TIMP4: variants seen among roughly 807,000 people sequenced by gnomAD.
The protein encoded by TIMP4 is metalloproteinase inhibitor 4.
In TIMP4, 28 loss-of-function variants were observed where a neutral mutation model predicts 27.3. The ratio of observed to expected loss-of-function variants is 1.03; its 90% CI spans 0.76 to 1.41. The LOEUF (loss-of-function observed/expected upper bound fraction) is 1.41, where lower values mean the gene tolerates loss of function less well. Ranked by LOEUF, TIMP4 falls within the 40% of genes most tolerant of loss-of-function variation. The pLI is 0.00. For synonymous variants in TIMP4, 138 were observed against 115.5 expected (o/e 1.20, Z -1.25); for missense variants, 307 against 285.5 (o/e 1.08, Z -0.54).
At chr3:12,157,117 A>T (rs2279750) in intron 2 of TIMP4, among the ~76,000 whole-genome samples, 183 bp from the exon 3 acceptor site, 1 of 152,100 alleles carries the variant, frequency 6.6e-6, no homozygotes, top group African/African-American at 2.4e-5. Flanking sequence ...ACAACAAAAA[A>T]CACCTAAACC....
At chr3:12,155,465 T>C (rs1697427722) in intron 3 of TIMP4, among the ~76,000 whole-genome samples, 1 of 152,220 alleles carries the variant, frequency 6.6e-6, no homozygotes, top group South Asian at 2.1e-4. Context: ...GGGAAGGGCT[T>C]CCTGTCATTG....
intron 2 of TIMP4, 128 bp downstream of exon 2, chr3:12,157,257 C>A: frequency 1.2e-6 from 1 of 827,726 alleles, no homozygotes; most frequent in Non-Finnish European, 1.9e-6. Context: ...TCATCCAGTT[C>A]CACTTCAGTA....
At position 12,158,766 on chromosome 3, in the gene TIMP4, C is replaced by T. The variant is rs781659560; in HGVS notation, c.75G>A (p.Gly25=). 1.6e-5 allele frequency: 26 copies of T among 1,606,032 alleles called. No homozygotes were observed. In the African/African-American group the frequency reaches 2.1e-4, roughly 13 times the overall value. Reference sequence around the variant, plus strand: ...GGGCGCAGCTGCATGCCTCACCCAGCCCCGGGGGCCGCAGCAACGCCAGCA... The same window carrying T: ...GGGCGCAGCTGCATGCCTCACCCAGTCCCGGGGGCCGCAGCAACGCCAGCA... The part of the protein sequence containing the change: ...LRLLALLRPP[G]LGEACSCAPA... Residue 25 remains glycine, a synonymous_variant, in exon 1 of 5, where the codon GGG becomes GGA. Coordinates refer to ENST00000287814, the MANE Select transcript of TIMP4 (RefSeq NM_003256.4).
chr3:12,157,949 C>G (rs1047358770), intron 1 of TIMP4, among the ~76,000 whole-genome samples: 2 of 152,188 alleles, frequency 1.3e-5, no homozygotes, highest in Admixed American at 1.3e-4. Flanking sequence ...GCATCTCTTG[C>G]CATTTGAGCA....
Position 12,157,497 on chromosome 3 carries a change from A to G in TIMP4, c.140-15T>C. ...GGCCCGAATCACTGCATAGGAAGAGAAAAGAGGGAACCTTCAGCAGCTGGT... is the reference window on the plus strand; with the variant it reads ...GGCCCGAATCACTGCATAGGAAGAGGAAAGAGGGAACCTTCAGCAGCTGGT... On this transcript the variant is annotated splice_polypyrimidine_tract_variant and intron_variant, in intron 1 of 4. Coordinates refer to ENST00000287814, the MANE Select transcript of TIMP4 (RefSeq NM_003256.4). 6.2e-7 allele frequency: 1 copy of G among 1,613,600 alleles called. No homozygotes were observed. The highest frequency in any genetic ancestry group is 8.5e-7 in the Non-Finnish European group (1 of 1,179,608).
At chr3:12,156,982 T>C (rs1449208180) in intron 2 of TIMP4, 48 bp from the exon 3 acceptor site, 1 of 1,370,420 alleles carries the variant, frequency 7.3e-7, no homozygotes. Context: ...GTGAGTGTAC[T>C]GTATATATTA....
intron 4 of TIMP4, among the ~76,000 whole-genome samples, chr3:12,154,049 C>T (rs1053745386): frequency 6.6e-6 from 1 of 152,174 alleles, no homozygotes; most frequent in African/African-American, 2.4e-5. Context: ...TAAACATTTA[C>T]AGTAAATTTA....
At chr3:12,157,569 G>A in intron 1 of TIMP4, 87 bp from the exon 2 acceptor site, 1 of 1,323,716 alleles carries the variant, frequency 7.6e-7, no homozygotes, top group Non-Finnish European at 1.1e-6. Flanking sequence ...CCATGAAGAA[G>A]TCTATAGGGC....
At position 12,157,498 on chromosome 3, in the gene TIMP4, A is replaced by C; in HGVS notation, c.140-16T>G. ...GCCCGAATCACTGCATAGGAAGAGA[A>C]AAGAGGGAACCTTCAGCAGCTGGTG... On this transcript the variant is annotated splice_polypyrimidine_tract_variant and intron_variant, in intron 1 of 4. Coordinates refer to ENST00000287814, the MANE Select transcript of TIMP4 (RefSeq NM_003256.4). 1.9e-6 allele frequency: 3 copies of C among 1,613,670 alleles called. No individual in the cohort carries two copies. Among genetic ancestry groups the C allele is most frequent in the Non-Finnish European group, 2.5e-6 (3 of 1,179,614 alleles).
At chr3:12,156,757 C>T (rs575278623) in intron 3 of TIMP4, 63 bp downstream of exon 3, 1 of 1,389,350 alleles carries the variant, frequency 7.2e-7, no homozygotes, top group Non-Finnish European at 1.0e-6. Flanking sequence ...TGGCTCCTTT[C>T]TCACTACCTC....
At position 12,153,668 on chromosome 3, in the gene TIMP4, G is replaced by T. The variant is rs766266939; in HGVS notation, c.522C>A (p.Asn174Lys). The part of the protein sequence containing the change: ...YTVPCTISAP[N>K]ECLWTDWLLE... Reference sequence around the variant, plus strand: ...ACAGCCAGTCTGTCCAGAGGCACTCGTTAGGGGCCGAGATGGTACAGGGTA... The same window carrying T: ...ACAGCCAGTCTGTCCAGAGGCACTCTTTAGGGGCCGAGATGGTACAGGGTA... The change falls in exon 5 of 5, where the codon AAC (asparagine) becomes AAA (lysine). Residue 174 changes from asparagine to lysine, a missense_variant. Asn to Lys is a moderately conservative substitution (Grantham distance 94). Coordinates refer to ENST00000287814, the MANE Select transcript of TIMP4 (RefSeq NM_003256.4). 2 of 1,614,222 alleles carry T rather than the reference G, an allele frequency of 1.2e-6. No individual in the cohort carries two copies. Among genetic ancestry groups the T allele is most frequent in the Non-Finnish European group, 1.7e-6 (2 of 1,180,038 alleles).
chr3:12,156,744 C>A, intron 3 of TIMP4, 76 bp downstream of exon 3: 1 of 1,211,078 alleles, frequency 8.3e-7, no homozygotes, highest in Non-Finnish European at 1.2e-6. Flanking sequence ...CCAAGGAAGA[C>A]CCTGGCTCCT....
chr3:12,158,079 G>A (rs372818440), intron 1 of TIMP4, among the ~76,000 whole-genome samples: 2 of 152,136 alleles, frequency 1.3e-5, no homozygotes, highest in East Asian at 3.8e-4. Flanking sequence ...ATCTAGTGGA[G>A]TGCACACGTG....
At position 12,157,099 on chromosome 3, in the gene TIMP4, AAAC is replaced by A. The variant is rs983854187; in HGVS notation, c.238-168_238-166del. Among the ~76,000 whole-genome samples the A allele has an allele frequency of 5.3e-5, 8 of 150,636 alleles. No homozygotes were observed. The East Asian group carries it at 9.7e-4, about 18-fold the overall frequency. ...CTGGGTTATTTTCTCTCTTAAAACAAAACAACAACAACAAAAAACACCTAAACC... is the reference window on the plus strand; with the variant it reads ...CTGGGTTATTTTCTCTCTTAAAACAAAACAACAACAAAAAACACCTAAACC... On this transcript the variant is annotated intron_variant, in intron 2 of 4. Coordinates refer to ENST00000287814, the MANE Select transcript of TIMP4 (RefSeq NM_003256.4).
chr3:12,156,819 C>A lies in TIMP4; in HGVS notation c.352+1G>T. ...GGCCAGTTGTTGGTCTTTTAACTTA[C>A]CAGTCAAGAGATACTGCTTCTGGCT... On this transcript the variant is annotated splice_donor_variant, in intron 3 of 4. Coordinates refer to ENST00000287814, the MANE Select transcript of TIMP4 (RefSeq NM_003256.4). LOFTEE classifies it high-confidence loss of function. 1 of 1,611,986 alleles carries A rather than the reference C, an allele frequency of 6.2e-7. No individual in the cohort carries two copies. Among genetic ancestry groups the A allele is most frequent in the Non-Finnish European group, 8.5e-7 (1 of 1,178,098 alleles).
chr3:12,156,910 TG>T lies in TIMP4; in HGVS notation c.261del (p.Lys88ArgfsTer17). ...GGCGTATAGATATACTGAACATCCTTGACTTTCTCAAACCCTTTGAACATCT... is the reference window on the plus strand; with the variant it reads ...GGCGTATAGATATACTGAACATCCTTACTTTCTCAAACCCTTTGAACATCT... ...QIKMFKGFEKVKDVQYIYTPF... is the reference protein window; with the variant it reads ...QIKMFKGFEKXKDVQYIYTPF... On this transcript the variant is annotated frameshift_variant, in exon 3 of 5. Transcript: ENST00000287814. LOFTEE classifies it high-confidence loss of function. The T allele has an allele frequency of 6.2e-7, 1 of 1,614,126 alleles. No individual in the cohort carries two copies. The highest frequency in any genetic ancestry group is 1.1e-5 in the South Asian group (1 of 91,068).
intron 2 of TIMP4, 71 bp downstream of exon 2, chr3:12,157,307 TACCAGCC>T: frequency 1.4e-6 from 2 of 1,399,816 alleles, no homozygotes; most frequent in Non-Finnish European, 2.0e-6. Context: ...ACCTGAAAGC[TACCAGCC>T]CTCCCAGAAC....
At chr3:12,158,247 G>T (rs1174433617) in intron 1 of TIMP4, among the ~76,000 whole-genome samples, 10 of 152,164 alleles carry the variant, frequency 6.6e-5, no homozygotes. Context: ...GTGAGGGAGG[G>T]CATTCCAGGC....
chr3:12,158,342 G>C (rs533569810), intron 1 of TIMP4, among the ~76,000 whole-genome samples: 142 of 152,308 alleles, frequency 9.3e-4, no homozygotes, highest in Middle Eastern at 3.4e-3. Context: ...GACACGGGTA[G>C]TTACAATGCA....
Sources: gnomAD v4.1 joint callset for allele counts (sites outside exome capture counted in the v4.1 genomes callset) on GRCh38, gnomAD v4.1.1 for gene constraint, MANE v1.5 for transcripts, NCBI Gene and HGNC (gene_info 2026-07-23, HGNC 2026-07-21) for gene names.